DDHD1: variants seen among roughly 807,000 people sequenced by gnomAD.
DDHD1 encodes DDHD domain containing 1, also known as phospholipase DDHD1.
In DDHD1, 49 loss-of-function variants were observed where a neutral mutation model predicts 96.4. The observed-to-expected ratio is 0.51, with a 90% CI of 0.40 to 0.64. The LOEUF is 0.64. Ranked by LOEUF, DDHD1 falls within the 30% of genes least tolerant of loss-of-function variation. DDHD1 has a pLI of 0.00. For synonymous variants in DDHD1, 442 were observed against 446.5 expected, an observed-to-expected ratio of 0.99 and a Z score of 0.13; for missense variants, 1,106 against 1,161.2, an observed-to-expected ratio of 0.95 and a Z score of 0.69.
intron 6 of DDHD1, among the ~76,000 whole-genome samples, chr14:53,071,683 T>C (rs1884518903): frequency 1.3e-5 from 2 of 152,126 alleles, no homozygotes; most frequent in South Asian, 4.1e-4. Flanking sequence ...TTGCACTGAT[T>C]TTCCCTGTCT....
chr14:53,047,916 T>A (rs1156277449), intron 12 of DDHD1, among the ~76,000 whole-genome samples: 1 of 152,264 alleles, frequency 6.6e-6, no homozygotes, highest in Middle Eastern at 3.4e-3. Flanking sequence ...AAAACAAAAA[T>A]GCTCAAATCA....
In DDHD1 at chr14:53,152,523, G is replaced by A. The variant is rs1891498139; in HGVS notation, c.576C>T (p.Leu192=). The part of the protein sequence containing the change: ...FIGYDSLRIE[L]AFRTLLQTTG... ...TGGTCTGCAGCAGGGTCCGGAAGGC[G>A]AGCTCGATGCGGAGCGAGTCGTAGC... Residue 192 remains leucine (L), a synonymous_variant, in exon 1 of 13, where the codon CTC becomes CTT. Transcript: ENST00000673822. 1.9e-6 allele frequency: 3 copies of A among 1,613,356 alleles called. No individual in the cohort carries two copies. Among genetic ancestry groups the A allele is most frequent in the African/African-American group, 1.3e-5 (1 of 74,924 alleles).
chr14:53,093,648 C>G, intron 2 of DDHD1: 1 of 552,798 alleles, frequency 1.8e-6, no homozygotes, highest in Non-Finnish European at 3.0e-6. Context: ...ATGATTAATC[C>G]TGCTACAGGG....
intron 1 of DDHD1, among the ~76,000 whole-genome samples, chr14:53,125,862 C>G (rs1000779910): frequency 6.6e-6 from 1 of 152,038 alleles, no homozygotes; most frequent in Admixed American, 6.6e-5. Flanking sequence ...CTACCATGCC[C>G]GGCTAATTTT....
intron 1 of DDHD1, among the ~76,000 whole-genome samples, chr14:53,141,471 A>C (rs1890637147): frequency 6.6e-6 from 1 of 152,244 alleles, no homozygotes. Flanking sequence ...GACCTAGCTC[A>C]GATCTCTTGT....
intron 1 of DDHD1, among the ~76,000 whole-genome samples, chr14:53,128,836 A>G (rs1005739665): frequency 6.6e-6 from 1 of 152,144 alleles, no homozygotes; most frequent in East Asian, 1.9e-4. Flanking sequence ...AGAACCACAA[A>G]AGATAACATT....
chr14:53,101,724 T>C (rs1887315792), intron 2 of DDHD1, among the ~76,000 whole-genome samples: 1 of 152,036 alleles, frequency 6.6e-6, no homozygotes. Flanking sequence ...CTTACATCAG[T>C]CTTATTTAAA....
intron 12 of DDHD1, among the ~76,000 whole-genome samples, chr14:53,048,392 C>T (rs1426041285): frequency 6.8e-6 from 1 of 146,426 alleles, no homozygotes; most frequent in Non-Finnish European, 1.5e-5. Flanking sequence ...GGCTGGAGTG[C>T]AGTGGCACGA....
At chr14:53,103,891 T>A in intron 1 of DDHD1, 35 bp from the exon 2 acceptor site, 2 of 1,528,878 alleles carry the variant, frequency 1.3e-6, no homozygotes, top group Non-Finnish European at 1.8e-6. Context: ...ATACACATTT[T>A]AAGATTCAAC....
intron 1 of DDHD1, among the ~76,000 whole-genome samples, chr14:53,132,307 T>C (rs1889925539): frequency 6.6e-6 from 1 of 152,172 alleles, no homozygotes; most frequent in Admixed American, 6.5e-5. Context: ...GGCCCCCACG[T>C]TATTCCTGAT....
At chr14:53,084,650 G>T (rs1885770935) in intron 4 of DDHD1, among the ~76,000 whole-genome samples, 1 of 152,150 alleles carries the variant, frequency 6.6e-6, no homozygotes, top group Non-Finnish European at 1.5e-5. Flanking sequence ...TGAATTGTGA[G>T]GTCTTTTCCA....
chr14:53,125,549 T>C (rs1054788373), intron 1 of DDHD1, among the ~76,000 whole-genome samples: 1 of 152,190 alleles, frequency 6.6e-6, no homozygotes, highest in African/African-American at 2.4e-5. Context: ...AAAGAATATG[T>C]ATTAACATAG....
At chr14:53,119,948 G>T (rs762375826) in intron 1 of DDHD1, among the ~76,000 whole-genome samples, 6 of 152,136 alleles carry the variant, frequency 3.9e-5, no homozygotes, top group Non-Finnish European at 8.8e-5. Context: ...TGGAAGTTCT[G>T]CCAGGGCAAT....
chr14:53,131,215 A>G (rs1294169342), intron 1 of DDHD1, among the ~76,000 whole-genome samples: 1 of 151,876 alleles, frequency 6.6e-6, no homozygotes, highest in Non-Finnish European at 1.5e-5. Flanking sequence ...GCCACACCTC[A>G]CTGCTGCCCT....
intron 2 of DDHD1, among the ~76,000 whole-genome samples, chr14:53,098,911 G>A (rs1330228426): frequency 1.3e-5 from 2 of 151,902 alleles, no homozygotes; most frequent in Non-Finnish European, 2.9e-5. Context: ...CAGGTCTTGC[G>A]TTCTTAAACA....
intron 1 of DDHD1, among the ~76,000 whole-genome samples, chr14:53,105,225 G>A (rs55686743): frequency 6.6e-6 from 1 of 151,800 alleles, no homozygotes; most frequent in African/African-American, 2.4e-5. Flanking sequence ...CCCAGTATAA[G>A]TGAACACTCC....
chr14:53,153,123 C>A lies in DDHD1; in HGVS notation c.-25G>T. 1 of 1,367,568 alleles carries A rather than the reference C, an allele frequency of 7.3e-7. No individual in the cohort carries two copies. The highest frequency in any genetic ancestry group is 1.7e-5 in the South Asian group (1 of 57,822). 84.7% of individuals were successfully genotyped at this position (1,367,568 alleles called of 1,614,324 possible). ...TGCTGTGGAGACGCCGCCGGCTGTCCGGCGGCGCGCGGAGCCGTGACCCCC... is the reference window on the plus strand; with the variant it reads ...TGCTGTGGAGACGCCGCCGGCTGTCAGGCGGCGCGCGGAGCCGTGACCCCC... On this transcript the variant is annotated 5_prime_UTR_variant, in exon 1 of 13. Transcript: ENST00000673822.
chr14:53,048,023 G>C (rs1882182059), intron 12 of DDHD1, among the ~76,000 whole-genome samples: 1 of 152,166 alleles, frequency 6.6e-6, no homozygotes, highest in South Asian at 2.1e-4. Context: ...TGGAGAAAAA[G>C]TTGGGTTTTG....
At chr14:53,104,761 A>G (rs1402363423) in intron 1 of DDHD1, among the ~76,000 whole-genome samples, 1 of 152,034 alleles carries the variant, frequency 6.6e-6, no homozygotes, top group East Asian at 1.9e-4. Flanking sequence ...CAATTTTTTA[A>G]TAAAGCAAAA....
Sources: allele counts gnomAD v4.1 joint callset (sites outside exome capture counted in the v4.1 genomes callset), GRCh38; gene constraint gnomAD v4.1.1; transcripts MANE v1.5; gene names NCBI Gene and HGNC (gene_info 2026-07-23, HGNC 2026-07-21).